Variants in GPR89A observed in about 807,000 individuals in gnomAD.
GPR89A encodes the protein golgi pH regulator A.
GPR89A carries 16 observed loss-of-function variants against 52.0 expected under a neutral mutation model. That is an observed-to-expected ratio of 0.31 (90% CI 0.21 to 0.47). The LOEUF (loss-of-function observed/expected upper bound fraction) is 0.47. Among genes scored for constraint, GPR89A ranks in the 20% least tolerant of loss-of-function variants. The pLI is 1.00. For synonymous variants in GPR89A, 55 were observed against 150.9 expected, an observed-to-expected ratio of 0.36 and a Z score of 4.66; for missense variants, 135 against 449.4, an observed-to-expected ratio of 0.30 and a Z score of 6.33.
chr1:145,629,877 A>G (rs1194568599), intron 5 of GPR89A, among the ~76,000 whole-genome samples: 1 of 152,246 alleles, frequency 6.6e-6, no homozygotes, highest in East Asian at 1.9e-4. Flanking sequence ...TGAAGCTGAC[A>G]GAATTCCTGA....
intron 1 of GPR89A, among the ~76,000 whole-genome samples, chr1:145,614,959 C>T (rs2101731335): frequency 6.6e-6 from 1 of 152,196 alleles, no homozygotes; most frequent in South Asian, 2.1e-4. Context: ...TGCTAAACTA[C>T]TGAGTTTACA....
intron 1 of GPR89A, among the ~76,000 whole-genome samples, chr1:145,609,816 A>C (rs1293390034): frequency 1.4e-4 from 21 of 152,222 alleles, no homozygotes; most frequent in African/African-American, 5.1e-4. Context: ...ATGTGGAAGA[A>C]AGACCCAAAG....
At chr1:145,648,797 T>C (rs1474809829) in intron 10 of GPR89A, among the ~76,000 whole-genome samples, 578 of 690 alleles carry the variant, frequency 0.84, 281 homozygotes, top group Middle Eastern at 1. Flanking sequence ...GGAAGCATGT[T>C]CTTTTTTTTT....
At chr1:145,620,056 G>T (rs1228315508) in intron 3 of GPR89A, among the ~76,000 whole-genome samples, 2 of 151,758 alleles carry the variant, frequency 1.3e-5, no homozygotes, top group Admixed American at 1.3e-4. Context: ...CCTTTTCTTG[G>T]ATGAGCTAGA....
In GPR89A at chr1:145,663,436, A is replaced by G. The variant is rs1314165907; in HGVS notation, c.1005+12A>G. ...GAATCCAATTTGATGTAAGTGTTAT[A>G]TCAAGATCCTGGTTTGTCATGTTTC... On this transcript the variant is annotated intron_variant, in intron 11 of 13. Transcript: ENST00000313835. The G allele has an allele frequency of 6.2e-7, 1 of 1,610,222 alleles. No homozygotes were observed. Among genetic ancestry groups the G allele is most frequent in the Non-Finnish European group, 8.5e-7 (1 of 1,178,818 alleles).
chr1:145,615,315 C>T (rs1571463892), intron 1 of GPR89A, among the ~76,000 whole-genome samples: 1 of 152,066 alleles, frequency 6.6e-6, no homozygotes, highest in Non-Finnish European at 1.5e-5. Flanking sequence ...AACTCCTCTC[C>T]CCTGAAGTTT....
At chr1:145,616,929 A>C (rs1228974753) in intron 2 of GPR89A, among the ~76,000 whole-genome samples, 7 of 152,210 alleles carry the variant, frequency 4.6e-5, no homozygotes, top group African/African-American at 1.4e-4. Flanking sequence ...AAAGGGCAGT[A>C]AAATCACAAA....
intron 2 of GPR89A, 49 bp downstream of exon 2, chr1:145,616,342 C>A (rs587705410): frequency 5.4e-6 from 8 of 1,492,614 alleles, no homozygotes; most frequent in Non-Finnish European, 7.4e-6. Context: ...TTTAGATTGA[C>A]AAGAAAAATG....
chr1:145,652,942 A>AT (rs587596739), intron 10 of GPR89A, among the ~76,000 whole-genome samples: 5 of 111,434 alleles, frequency 4.5e-5, no homozygotes, highest in African/African-American at 1.0e-4. Context: ...GGATTCGTTG[A>AT]TTTTTTTGAA....
chr1:145,646,955 A>G (rs1442863479), intron 9 of GPR89A: 3 of 638,366 alleles, frequency 4.7e-6, no homozygotes, highest in African/African-American at 3.7e-5. Context: ...ATTGTTATGA[A>G]GATTAAGTGG....
chr1:145,617,839 A>G (rs1466600757), intron 2 of GPR89A, among the ~76,000 whole-genome samples: 2 of 152,118 alleles, frequency 1.3e-5, no homozygotes, highest in African/African-American at 4.8e-5. Flanking sequence ...CATTTGGGTC[A>G]TTTCTAGGAT....
At chr1:145,645,377 T>C in intron 8 of GPR89A, 1 of 352,712 alleles carries the variant, frequency 2.8e-6, no homozygotes, top group South Asian at 2.2e-5. Flanking sequence ...TAGAAGGGGC[T>C]GTATTTACTA....
chr1:145,620,338 AG>A (rs1161529078), intron 3 of GPR89A, among the ~76,000 whole-genome samples: 1 of 152,218 alleles, frequency 6.6e-6, no homozygotes, highest in African/African-American at 2.4e-5. Flanking sequence ...AATTTGTAAA[AG>A]CAGGTGGCTG....
chr1:145,611,378 T>C (rs1415234328), intron 1 of GPR89A: 1 of 151,572 alleles, frequency 6.6e-6, no homozygotes, highest in Non-Finnish European at 1.5e-5. Context: ...AGTTTCTGTT[T>C]TTGCCATCTT....
At chr1:145,662,053 G>C (rs1553695658) in intron 10 of GPR89A, among the ~76,000 whole-genome samples, 1 of 152,046 alleles carries the variant, frequency 6.6e-6, no homozygotes, top group African/African-American at 2.4e-5. Flanking sequence ...ACAGAATATG[G>C]TGATAAATGT....
chr1:145,636,978 C>T (rs1355073067), intron 7 of GPR89A, among the ~76,000 whole-genome samples: 1 of 152,066 alleles, frequency 6.6e-6, no homozygotes, highest in African/African-American at 2.4e-5. Flanking sequence ...GGACTAATAT[C>T]CAAAATCTCA....
intron 3 of GPR89A, among the ~76,000 whole-genome samples, chr1:145,621,315 A>T (rs1416355751): frequency 6.7e-6 from 1 of 149,850 alleles, no homozygotes; most frequent in Non-Finnish European, 1.5e-5. Flanking sequence ...CCTTTGAGGA[A>T]TTAATTTTTA....
intron 11 of GPR89A, among the ~76,000 whole-genome samples, chr1:145,663,648 A>G (rs1652359150): frequency 6.6e-6 from 1 of 152,196 alleles, no homozygotes; most frequent in South Asian, 2.1e-4. Flanking sequence ...TAAAGCCAGA[A>G]GTAATGATTG....
intron 7 of GPR89A, among the ~76,000 whole-genome samples, chr1:145,632,981 A>T (rs1380842820): frequency 6.6e-6 from 1 of 151,298 alleles, no homozygotes; most frequent in Non-Finnish European, 1.5e-5. Flanking sequence ...CTTAGTTTGC[A>T]ATTCCTTAAT....
Sources: gnomAD v4.1 joint callset for allele counts (sites outside exome capture counted in the v4.1 genomes callset) on GRCh38, gnomAD v4.1.1 for gene constraint, MANE v1.5 for transcripts, NCBI Gene and HGNC (gene_info 2026-07-23, HGNC 2026-07-21) for gene names.